DISC1: variants seen among roughly 807,000 people sequenced by gnomAD.
DISC1 encodes DISC1 scaffold protein, also known as disrupted in schizophrenia 1 protein.
A neutral mutation model predicts 84.5 loss-of-function variants in DISC1; 57 were observed. The ratio of observed to expected loss-of-function variants is 0.67; its 90% CI spans 0.55 to 0.84. The LOEUF (loss-of-function observed/expected upper bound fraction) is 0.84, where lower values mean the gene tolerates loss of function less well. Ranked by LOEUF, DISC1 falls within the 40% of genes least tolerant of loss-of-function variation. The probability of loss-of-function intolerance (pLI) is 0.00; values close to 1 mark genes in which losing one functional copy is unlikely to be tolerated. For synonymous variants in DISC1, 411 were observed against 415.2 expected (o/e 0.99, Z 0.12); for missense variants, 1,000 against 1,057.8 (o/e 0.95, Z 0.76).
chr1:231,813,010 A>G (rs935490838), intron 8 of DISC1, among the ~76,000 whole-genome samples: 5 of 152,022 alleles, frequency 3.3e-5, no homozygotes, highest in Admixed American at 6.6e-5. Context: ...ATCACTGTGC[A>G]TTTTCCCAAG....
At chr1:231,634,254 G>A (rs544188621) in intron 1 of DISC1, among the ~76,000 whole-genome samples, 3 of 152,136 alleles carry the variant, frequency 2.0e-5, no homozygotes, top group South Asian at 2.1e-4. Flanking sequence ...GAGAATGTGC[G>A]TGTTTTGCAT....
rs74144185 is a variant in DISC1 at position 231,903,595 on chromosome 1, G to A, written c.1982-55233G>A. Among the ~76,000 whole-genome samples, 1,446 of 152,296 alleles carry A rather than the reference G, an allele frequency of 9.5e-3. 22 individuals are homozygous for A. The highest frequency in any genetic ancestry group is 0.033 in the African/African-American group (1,355 of 41,562). ...TCAGAGAAGGCCTTTCTGAGAAGGT[G>A]CCATTGGAGCAGAGGCCTCCGCAAA... On this transcript the variant is annotated intron_variant, in intron 9 of 12. Transcript: ENST00000439617.
intron 9 of DISC1, chr1:231,854,872 A>G (rs1263444600): frequency 2.4e-6 from 1 of 424,418 alleles, no homozygotes; most frequent in Non-Finnish European, 4.6e-6. Flanking sequence ...GCCCGCCACC[A>G]TGCCTGGCTA....
rs569687260 is a variant in DISC1, at chr1:231,874,589, A to G, written c.1981+56072A>G. On this transcript the variant is annotated intron_variant, in intron 9 of 12. Transcript: ENST00000439617. The stretch of plus-strand genomic sequence containing the variant: ...TCCTGTGCTTCAAAACGATAAAACA[A>G]TTTAACCCTGTATTAACCATCTGAA... 2.0e-5 allele frequency among the ~76,000 whole-genome samples: 3 copies of G among 152,124 alleles called. No individual in the cohort carries two copies. In the East Asian group the frequency reaches 5.8e-4, roughly 30 times the overall value.
chr1:231,932,073 A>G (rs191168418), intron 9 of DISC1, among the ~76,000 whole-genome samples: 2 of 152,232 alleles, frequency 1.3e-5, no homozygotes, highest in Non-Finnish European at 2.9e-5. Context: ...AGTCTCTAGC[A>G]TTAACTCAGT....
intron 9 of DISC1, among the ~76,000 whole-genome samples, chr1:231,856,349 C>T (rs1468142700): frequency 1.3e-5 from 2 of 151,950 alleles, no homozygotes; most frequent in Non-Finnish European, 2.9e-5. Context: ...ATTCTGCTTC[C>T]CCTCTGTTCT....
At chr1:231,768,321 CAT>C (rs1302653786) in intron 5 of DISC1, among the ~76,000 whole-genome samples, 8 of 152,120 alleles carry the variant, frequency 5.3e-5, no homozygotes, top group African/African-American at 1.4e-4. Flanking sequence ...CTGATCTGGT[CAT>C]AGAGTATTCG....
At chr1:231,882,645 A>G (rs1254485979) in intron 9 of DISC1, among the ~76,000 whole-genome samples, 8 of 152,172 alleles carry the variant, frequency 5.3e-5, no homozygotes, top group African/African-American at 9.7e-5. Flanking sequence ...TTTGCTGTCT[A>G]TGCAATGAAA....
Position 231,795,279 on chromosome 1 carries a change from A to G in DISC1, c.1672A>G (p.Lys558Glu). ...AATAAAATCCCTCAACTTGTCACTT[A>G]AAGAAATCACTACTAAGGTAAGTAC... ...ERIKSLNLSLKEITTKVCMSE... is the reference protein window; with the variant it reads ...ERIKSLNLSLEEITTKVCMSE... Residue 558 changes from lysine (K) to glutamate (E), a missense_variant, in exon 7 of 13, where the codon AAA becomes GAA. Physicochemically the swap from Lys to Glu is moderately conservative, Grantham distance 56. Coordinates refer to ENST00000439617, the MANE Select transcript of DISC1 (RefSeq NM_018662.3). 1 of 1,613,580 alleles carries G rather than the reference A, an allele frequency of 6.2e-7. No individual in the cohort carries two copies. Among genetic ancestry groups the G allele is most frequent in the South Asian group, 1.1e-5 (1 of 91,064 alleles).
At chr1:232,006,741 A>G (rs986941836) in intron 10 of DISC1, among the ~76,000 whole-genome samples, 2 of 152,188 alleles carry the variant, frequency 1.3e-5, no homozygotes, top group Non-Finnish European at 2.9e-5. Flanking sequence ...TGGCTGCAGA[A>G]ATTTGCATAA....
chr1:231,896,357 C>T (rs1385704312), intron 9 of DISC1, among the ~76,000 whole-genome samples: 1 of 152,176 alleles, frequency 6.6e-6, no homozygotes, highest in Non-Finnish European at 1.5e-5. Context: ...AAAGCTGTCT[C>T]TTCATAGAGG....
At chr1:231,756,091 A>G (rs2075084022) in intron 4 of DISC1, among the ~76,000 whole-genome samples, 1 of 152,260 alleles carries the variant, frequency 6.6e-6, no homozygotes, top group East Asian at 1.9e-4. Flanking sequence ...CATTACCAGC[A>G]TCTGCAATAG....
At chr1:231,886,758 C>CTCCTTT (rs1558691729) in intron 9 of DISC1, among the ~76,000 whole-genome samples, 3 of 95,760 alleles carry the variant, frequency 3.1e-5, no homozygotes, top group African/African-American at 1.2e-4. Flanking sequence ...TTCCTTTCTT[C>CTCCTTT]CTTCCTTCCT....
At chr1:232,003,436 G>T (rs1370593655) in intron 10 of DISC1, among the ~76,000 whole-genome samples, 2 of 151,856 alleles carry the variant, frequency 1.3e-5, no homozygotes, top group African/African-American at 2.4e-5. Context: ...GGAACCCCTA[G>T]GTATCTAACA....
At chr1:231,657,485 A>G (rs2061203347) in intron 1 of DISC1, among the ~76,000 whole-genome samples, 1 of 152,150 alleles carries the variant, frequency 6.6e-6, no homozygotes, top group Admixed American at 6.5e-5. Context: ...CTTTAGTTTA[A>G]TTAGATACCA....
Position 231,632,857 on chromosome 1 carries a change from G to A in DISC1, c.67+5923G>A, listed in dbSNP as rs773758222. On this transcript the variant is annotated intron_variant, in intron 1 of 12. Transcript: ENST00000439617. ...AGGCCAAGGTGGGCAGATGACCTGA[G>A]GTCAGGAGTTCGAGACCATCCTGGC... Among the ~76,000 whole-genome samples the A allele has an allele frequency of 3.9e-5, 6 of 152,168 alleles. 1 individual carries two copies. The highest frequency in any genetic ancestry group is 5.9e-5 in the Non-Finnish European group (4 of 68,032).
rs573621221 is a variant in DISC1, at chr1:231,871,319, G to A, written c.1981+52802G>A. Among the ~76,000 whole-genome samples the A allele has an allele frequency of 2.6e-5, 4 of 152,328 alleles. No individual in the cohort carries two copies. The East Asian group carries it at 7.7e-4, about 29-fold the overall frequency. ...CCTAATGTGGGAAGAGAGAATAGAAGGTTCTGGGGAAGGGGACCCACTCTG... is the reference window on the plus strand; with the variant it reads ...CCTAATGTGGGAAGAGAGAATAGAAAGTTCTGGGGAAGGGGACCCACTCTG... On this transcript the variant is annotated intron_variant, in intron 9 of 12. Transcript: ENST00000439617.
chr1:231,761,878 C>G (rs1283679712), intron 4 of DISC1, among the ~76,000 whole-genome samples: 3 of 152,172 alleles, frequency 2.0e-5, no homozygotes, highest in Non-Finnish European at 4.4e-5. Context: ...CACTGGGGCC[C>G]TCACCATGAG....
intron 1 of DISC1, among the ~76,000 whole-genome samples, chr1:231,691,856 C>T (rs2065059215): frequency 6.6e-6 from 1 of 152,224 alleles, no homozygotes; most frequent in Non-Finnish European, 1.5e-5. Flanking sequence ...CCCTGCCGGT[C>T]GGGCCCGGAC....
Sources: gnomAD v4.1 joint callset for allele counts (sites outside exome capture counted in the v4.1 genomes callset) on GRCh38, gnomAD v4.1.1 for gene constraint, MANE v1.5 for transcripts, NCBI Gene and HGNC (gene_info 2026-07-23, HGNC 2026-07-21) for gene names.